Variants in MTUS2 observed in about 807,000 individuals in gnomAD.
MTUS2 encodes the protein microtubule associated scaffold protein 2, also known as microtubule-associated tumor suppressor candidate 2.
A neutral mutation model predicts 114.1 loss-of-function variants in MTUS2; 40 were observed. The ratio of observed to expected loss-of-function variants is 0.35; its 90% CI spans 0.27 to 0.46. The LOEUF is 0.46. MTUS2 is among the 20% of genes least tolerant of loss of function. The pLI, the probability that MTUS2 is intolerant of heterozygous loss-of-function variation, is 1.00. For missense variants in MTUS2, 1,679 were observed against 1,705.4 expected, an observed-to-expected ratio of 0.98 and a Z score of 0.27; for synonymous variants, 688 against 672.0, an observed-to-expected ratio of 1.02 and a Z score of -0.37.
chr13:29,292,442 C>A (rs1425404542), intron 6 of MTUS2, among the ~76,000 whole-genome samples: 1 of 152,194 alleles, frequency 6.6e-6, no homozygotes, highest in Non-Finnish European at 1.5e-5. Context: ...CTTTAATTCA[C>A]AGGCGACTTG....
At chr13:29,234,801 A>G (rs1001330317) in intron 5 of MTUS2, among the ~76,000 whole-genome samples, 1 of 152,104 alleles carries the variant, frequency 6.6e-6, no homozygotes, top group Non-Finnish European at 1.5e-5. Context: ...TTATCCTTCA[A>G]CATGGCCTTT....
rs116269417 is a variant in MTUS2, at chr13:29,225,290, C to T, written c.2645-56414C>T. The stretch of plus-strand genomic sequence containing the variant: ...GTTTCTTCTATTTATATTTTTAATC[C>T]GTTACTGGCATATGTCAGAGCAGAG... On this transcript the variant is annotated intron_variant, in intron 5 of 15. Transcript: ENST00000612955. 5.4e-3 allele frequency among the ~76,000 whole-genome samples: 823 copies of T among 152,198 alleles called. 6 individuals are homozygous for T. Among genetic ancestry groups the T allele is most frequent in the African/African-American group, 0.018 (746 of 41,508 alleles).
chr13:28,820,957 T>C (rs181115036), intron 1 of MTUS2, among the ~76,000 whole-genome samples: 49 of 152,310 alleles, frequency 3.2e-4, no homozygotes, highest in African/African-American at 1.1e-3. Flanking sequence ...AGTGTGTTAT[T>C]TCCTTCAAGC....
chr13:29,275,104 T>C (rs1898014848), intron 5 of MTUS2, among the ~76,000 whole-genome samples: 1 of 152,212 alleles, frequency 6.6e-6, no homozygotes, highest in Non-Finnish European at 1.5e-5. Context: ...TTTCCCCAAT[T>C]CTGAGTCCTT....
chr13:29,033,982 C>G lies in MTUS2; in HGVS notation c.2303C>G (p.Pro768Arg), dbSNP rs371021873. 21 of 1,613,796 alleles carry G rather than the reference C, an allele frequency of 1.3e-5. No individual in the cohort carries two copies. The highest frequency in any genetic ancestry group is 1.8e-5 in the Non-Finnish European group (21 of 1,179,894). The change falls in exon 4 of 16, where the codon CCC becomes CGC. Residue 768 changes from proline to arginine, a missense_variant. Coordinates refer to ENST00000612955, the MANE Select transcript of MTUS2 (RefSeq NM_001033602.4). Reference protein sequence around the residue: ...TFYRSAMLLKPQLGLGAMSRL... With the variant: ...TFYRSAMLLKRQLGLGAMSRL... ...TATCGGTCAGCCATGCTCCTTAAGC[C>G]CCAGCTAGGATTGGGTGCAATGTCC... is the stretch of plus-strand genomic sequence containing the variant.
At chr13:28,845,660 G>T (rs77462081) in intron 2 of MTUS2, among the ~76,000 whole-genome samples, 6,716 of 142,850 alleles carry the variant, frequency 0.047, 445 homozygotes, top group African/African-American at 0.14. Context: ...TGTTTTGTTT[G>T]TTTTTTTTTT....
intron 9 of MTUS2, among the ~76,000 whole-genome samples, chr13:29,450,111 T>C (rs1171784181): frequency 6.6e-6 from 1 of 152,132 alleles, no homozygotes; most frequent in Admixed American, 6.5e-5. Context: ...GAAGAAGGAA[T>C]GAACAAAGAA....
chr13:29,156,451 A>G (rs1037182374), intron 5 of MTUS2, among the ~76,000 whole-genome samples: 3 of 152,106 alleles, frequency 2.0e-5, no homozygotes, highest in Admixed American at 6.6e-5. Context: ...AGGTTGTGCA[A>G]TAAAAAGCCC....
intron 5 of MTUS2, among the ~76,000 whole-genome samples, chr13:29,105,604 A>G (rs528354483): frequency 1.3e-5 from 2 of 151,048 alleles, no homozygotes; most frequent in African/African-American, 4.9e-5. Context: ...CATGGGGCAA[A>G]GAATTTAAAA....
intron 8 of MTUS2, among the ~76,000 whole-genome samples, chr13:29,438,478 C>A (rs1331020823): frequency 2.0e-5 from 3 of 152,190 alleles, no homozygotes; most frequent in African/African-American, 7.2e-5. Flanking sequence ...GTGCGGGCCA[C>A]TTTCCCGTAA....
At chr13:29,373,117 T>G (rs9578093) in intron 8 of MTUS2, among the ~76,000 whole-genome samples, 30,972 of 152,162 alleles carry the variant, frequency 0.2, 3,255 homozygotes, top group Middle Eastern at 0.25. Flanking sequence ...GAGAAACTTT[T>G]TAGGTCTGAC....
chr13:29,032,098 G>C (rs533573775), intron 3 of MTUS2, among the ~76,000 whole-genome samples: 1 of 152,184 alleles, frequency 6.6e-6, no homozygotes, highest in Non-Finnish European at 1.5e-5. Context: ...GCTGTATTCT[G>C]TCAGTAAAGA....
chr13:28,967,905 G>T (rs1051494940), intron 2 of MTUS2, among the ~76,000 whole-genome samples: 1 of 151,984 alleles, frequency 6.6e-6, no homozygotes, highest in Non-Finnish European at 1.5e-5. Context: ...ATGTATGAAC[G>T]TGAAAATGTT....
At chr13:28,874,267 C>T (rs1289319247) in intron 2 of MTUS2, among the ~76,000 whole-genome samples, 2 of 152,130 alleles carry the variant, frequency 1.3e-5, no homozygotes, top group Non-Finnish European at 2.9e-5. Context: ...TCCCAAAGTG[C>T]AGGATTACAG....
At chr13:29,073,641 G>A (rs1245591100) in intron 4 of MTUS2, among the ~76,000 whole-genome samples, 1 of 152,048 alleles carries the variant, frequency 6.6e-6, no homozygotes, top group Non-Finnish European at 1.5e-5. Flanking sequence ...TTACAGCCTT[G>A]CCTGTGCAGG....
intron 2 of MTUS2, among the ~76,000 whole-genome samples, chr13:28,966,706 CAAAG>C (rs1380298953): frequency 1.7e-5 from 1 of 57,890 alleles, no homozygotes; most frequent in Non-Finnish European, 3.2e-5. Flanking sequence ...GCCTGGGAGA[CAAAG>C]TAAGACCCTG....
At chr13:29,412,994 A>T (rs1372025081) in intron 8 of MTUS2, among the ~76,000 whole-genome samples, 1 of 152,164 alleles carries the variant, frequency 6.6e-6, no homozygotes, top group Admixed American at 6.5e-5. Context: ...AGTTTTTCTC[A>T]TATTACATGT....
intron 9 of MTUS2, among the ~76,000 whole-genome samples, chr13:29,444,598 G>C (rs941253652): frequency 2.0e-5 from 3 of 152,188 alleles, no homozygotes; most frequent in African/African-American, 7.2e-5. Context: ...CCCTTATTAA[G>C]TACAGTGAAG....
chr13:28,829,097 C>T (rs762171927), intron 1 of MTUS2, among the ~76,000 whole-genome samples: 6 of 152,118 alleles, frequency 3.9e-5, no homozygotes, highest in Non-Finnish European at 7.3e-5. Context: ...TGGAAATTAA[C>T]GAAGGGTTTA....
Sources: allele counts gnomAD v4.1 joint callset (sites outside exome capture counted in the v4.1 genomes callset), GRCh38; gene constraint gnomAD v4.1.1; transcripts MANE v1.5; gene names NCBI Gene and HGNC (gene_info 2026-07-23, HGNC 2026-07-21).